ZCCHC2: variants seen among roughly 807,000 people sequenced by gnomAD.
ZCCHC2 encodes zinc finger CCHC domain-containing protein 2.
ZCCHC2 carries 39 observed loss-of-function variants against 103.6 expected under a neutral mutation model. The ratio of observed to expected loss-of-function variants is 0.38; its 90% CI spans 0.29 to 0.49. The LOEUF is 0.49. Ranked by LOEUF, ZCCHC2 falls within the 20% of genes least tolerant of loss-of-function variation. The probability of loss-of-function intolerance (pLI) is 0.96; values close to 1 mark genes in which losing one functional copy is unlikely to be tolerated. For synonymous variants in ZCCHC2, 687 were observed against 608.9 expected (o/e 1.13, Z -1.89); for missense variants, 1,483 against 1,491.0 (o/e 0.99, Z 0.09).
chr18:62,533,203 T>C (rs909442857), intron 1 of ZCCHC2, among the ~76,000 whole-genome samples: 3 of 152,188 alleles, frequency 2.0e-5, no homozygotes, highest in African/African-American at 4.8e-5. Flanking sequence ...CATAATTTCC[T>C]GTGTTTGGAC....
chr18:62,525,695 G>A (rs1914352774), intron 1 of ZCCHC2, among the ~76,000 whole-genome samples: 1 of 151,858 alleles, frequency 6.6e-6, no homozygotes, highest in Non-Finnish European at 1.5e-5. Flanking sequence ...CATGTTTTGG[G>A]ACGTATTTTA....
rs1568560313 is a variant in ZCCHC2, at chr18:62,575,524, A to C, written c.3443A>C (p.Gln1148Pro). Reference sequence around the variant, plus strand: ...GGACACTATGCACAGGACTGTAAGCAGTCGTCCATGGAGGCCAATCAACAA... The same window carrying C: ...GGACACTATGCACAGGACTGTAAGCCGTCGTCCATGGAGGCCAATCAACAA... Reference protein sequence around the residue: ...VSGHYAQDCKQSSMEANQQGT... With the variant: ...VSGHYAQDCKPSSMEANQQGT... Residue 1148 changes from glutamine to proline, a missense_variant, in exon 13 of 14, where the codon CAG (glutamine) becomes CCG (proline). Around this residue, in one of 3 missense-constraint regions of ZCCHC2, gnomAD observed 884 missense variants for 907.5 expected, o/e 0.97. Transcript: ENST00000269499. 6.2e-7 allele frequency: 1 copy of C among 1,613,868 alleles called. No homozygotes were observed.
At chr18:62,544,166 G>A (rs1486762338) in intron 3 of ZCCHC2, among the ~76,000 whole-genome samples, 1 of 152,196 alleles carries the variant, frequency 6.6e-6, no homozygotes, top group African/African-American at 2.4e-5. Context: ...TGGGTATGGG[G>A]TAGCACAAGA....
At chr18:62,543,833 C>G (rs1915303032) in intron 3 of ZCCHC2, among the ~76,000 whole-genome samples, 1 of 151,726 alleles carries the variant, frequency 6.6e-6, no homozygotes, top group South Asian at 2.1e-4. Context: ...TCAGCGGAGA[C>G]TTAACTGTCT....
chr18:62,523,753 A>G lies in ZCCHC2; in HGVS notation c.329A>G (p.Gln110Arg). Residue 110 changes from glutamine to arginine, a missense_variant, in exon 1 of 14, where the codon CAG becomes CGG. Transcript: ENST00000269499. ...EWFGLVLGSA[Q>R]RLEFMCGLLD... is the part of the protein sequence containing the mutation. Reference sequence around the variant, plus strand: ...TTCGGGCTGGTGCTGGGCTCGGCGCAGCGCCTGGAGTTCATGTGCGGGCTG... The same window carrying G: ...TTCGGGCTGGTGCTGGGCTCGGCGCGGCGCCTGGAGTTCATGTGCGGGCTG... The G allele has an allele frequency of 1.3e-6, 2 of 1,531,612 alleles. No homozygotes were observed. Among genetic ancestry groups the G allele is most frequent in the Non-Finnish European group, 1.7e-6 (2 of 1,144,972 alleles). 94.9% of individuals were successfully genotyped at this position (1,531,612 alleles called of 1,614,324 possible). A position where few individuals can be genotyped will look rare whatever the true frequency, so the allele number is the denominator to read the frequency against.
chr18:62,530,281 A>G (rs1000799164), intron 1 of ZCCHC2, among the ~76,000 whole-genome samples: 2 of 152,312 alleles, frequency 1.3e-5, no homozygotes, highest in South Asian at 4.1e-4. Context: ...CAACTCTGCC[A>G]CTAGCTGTGA....
Position 62,523,984 on chromosome 18 carries a change from C to A in ZCCHC2, c.560C>A (p.Ala187Asp). Residue 187 changes from alanine to aspartate, a missense_variant, in exon 1 of 14, where the codon GCC (alanine) becomes GAC (aspartate). Coordinates refer to ENST00000269499, the MANE Select transcript of ZCCHC2 (RefSeq NM_017742.6). ...CTGCTGGGCTCGGAGAACCGGGAGG[C>A]CGCTGGCCGTCTGCACCGCCTGCTA... ...LALLGSENRE[A>D]AGRLHRLLPQ... The A allele has an allele frequency of 6.7e-7, 1 of 1,492,514 alleles. No homozygotes were observed. 92.5% of individuals were successfully genotyped at this position (1,492,514 alleles called of 1,614,324 possible).
rs766052328 is a variant in ZCCHC2 at position 62,575,026 on chromosome 18, A to G, written c.2945A>G (p.Gln982Arg). ...CCTGCCTTGACACACAGTACCGCGC[A>G]GAGTGACAGCACCTCTTACATCAGT... Reference protein sequence around the residue: ...PSPALTHSTAQSDSTSYISAV... With the variant: ...PSPALTHSTARSDSTSYISAV... Residue 982 changes from glutamine to arginine, a missense_variant, in exon 13 of 14, where the codon CAG (glutamine) becomes CGG (arginine). Coordinates refer to ENST00000269499, the MANE Select transcript of ZCCHC2 (RefSeq NM_017742.6). 2.5e-6 allele frequency: 4 copies of G among 1,613,888 alleles called. No homozygotes were observed. Among genetic ancestry groups the G allele is most frequent in the Non-Finnish European group, 3.4e-6 (4 of 1,179,898 alleles).
chr18:62,539,926 C>T, intron 2 of ZCCHC2, 134 bp downstream of exon 2: 1 of 696,100 alleles, frequency 1.4e-6, no homozygotes, highest in Non-Finnish European at 2.4e-6. Context: ...AGGCTTCACT[C>T]AAGAGCCAGT....
chr18:62,523,528 C>A lies in ZCCHC2; in HGVS notation c.104C>A (p.Ser35Ter). 1.0e-6 allele frequency: 1 copy of A among 958,440 alleles called. No individual in the cohort carries two copies. The highest frequency in any genetic ancestry group is 1.2e-6 in the Non-Finnish European group (1 of 815,762). The allele number at this position is 958,440 out of a possible 1,614,324, so 59.4% of individuals were successfully genotyped here. A position where few individuals can be genotyped will look rare whatever the true frequency, so the allele number is the denominator to read the frequency against. Residue 35 changes from serine to a stop codon, truncating the protein, a stop_gained, in exon 1 of 14, where the codon TCG becomes TAG. Coordinates refer to ENST00000269499, the MANE Select transcript of ZCCHC2 (RefSeq NM_017742.6). LOFTEE classifies it high-confidence loss of function. ...GCGCGGCCGGGCGCGAAGGCGCCTT[C>A]GCGCCGCCGCCGCGACTGCCGCCCC... is the stretch of plus-strand genomic sequence containing the variant. ...ADARPGAKAP[S>*]RRRRDCRPPP...
rs1368588301 is a variant in ZCCHC2, at chr18:62,539,856, C to T, written c.1051+64C>T. On this transcript the variant is annotated intron_variant, in intron 2 of 13. Transcript: ENST00000269499. The stretch of plus-strand genomic sequence containing the variant: ...TCAAAAGATTACAGGGTGCTCTTTA[C>T]GCTGATTAACTCTAAACTTTTTACT... 35 of 1,285,044 alleles carry T rather than the reference C, an allele frequency of 2.7e-5. No homozygotes were observed. In the South Asian group the frequency reaches 4.0e-4, roughly 15 times the overall value. The allele number at this position is 1,285,044 out of a possible 1,614,324, so 79.6% of individuals were successfully genotyped here. A position where few individuals can be genotyped will look rare whatever the true frequency, so the allele number is the denominator to read the frequency against.
In ZCCHC2 at chr18:62,556,075, T is replaced by C. The variant is rs1915872842; in HGVS notation, c.1314-128T>C. On this transcript the variant is annotated intron_variant, in intron 5 of 13. Transcript: ENST00000269499. ...AATACATTAGAAAATAATATTCTTT[T>C]CTATAGGAAAAATATTTTTCCATAC... 7.4e-6 allele frequency: 5 copies of C among 675,240 alleles called. No homozygotes were observed. The Admixed American group carries it at 8.9e-5, about 12-fold the overall frequency. 41.8% of individuals were successfully genotyped at this position (675,240 alleles called of 1,614,324 possible).
At chr18:62,543,800 C>G (rs1169081694) in intron 3 of ZCCHC2, among the ~76,000 whole-genome samples, 2 of 152,226 alleles carry the variant, frequency 1.3e-5, no homozygotes, top group Non-Finnish European at 2.9e-5. Flanking sequence ...TGATCTATCT[C>G]CTGCACTAGC....
At chr18:62,559,142 G>A (rs1235660970) in intron 7 of ZCCHC2, among the ~76,000 whole-genome samples, 1 of 152,202 alleles carries the variant, frequency 6.6e-6, no homozygotes, top group African/African-American at 2.4e-5. Context: ...AGCCTTTCTT[G>A]AATAAAGTAG....
chr18:62,534,502 T>A (rs910250506), intron 1 of ZCCHC2, among the ~76,000 whole-genome samples: 1 of 152,204 alleles, frequency 6.6e-6, no homozygotes, highest in Non-Finnish European at 1.5e-5. Context: ...CAGTTTATGA[T>A]CTACTTGAGG....
Position 62,523,492 on chromosome 18 carries a change from C to A in ZCCHC2, c.68C>A (p.Pro23His). Residue 23 changes from proline to histidine, a missense_variant, in exon 1 of 14, where the codon CCC (proline) becomes CAC (histidine). Pro to His is a moderately conservative substitution (Grantham distance 77). This residue lies in a region of ZCCHC2 where 568 missense variants were observed against 525.1 expected (regional missense o/e 1.08). Transcript: ENST00000269499. ...GAGCCGCCGCCCGAGGCGGAGGAGC[C>A]CGAGGCGGACGCGCGGCCGGGCGCG... ...PAEPPPEAEE[P>H]EADARPGAKA... The A allele has an allele frequency of 9.9e-7, 1 of 1,009,714 alleles. No homozygotes were observed. Among genetic ancestry groups the A allele is most frequent in the South Asian group, 3.4e-5 (1 of 29,294 alleles). The allele number at this position is 1,009,714 out of a possible 1,614,324, so 62.5% of individuals were successfully genotyped here. A position where few individuals can be genotyped will look rare whatever the true frequency, so the allele number is the denominator to read the frequency against.
chr18:62,559,656 A>G (rs1342378953), intron 7 of ZCCHC2, among the ~76,000 whole-genome samples: 1 of 152,246 alleles, frequency 6.6e-6, no homozygotes, highest in Non-Finnish European at 1.5e-5. Flanking sequence ...AAAAGGGGAC[A>G]TGGGCCCGGG....
At chr18:62,526,076 T>A (rs1230365357) in intron 1 of ZCCHC2, 1 of 152,226 alleles carries the variant, frequency 6.6e-6, no homozygotes, top group African/African-American at 2.4e-5. Context: ...AAAGTCTTTT[T>A]TTCTTTCCCT....
intron 12 of ZCCHC2, among the ~76,000 whole-genome samples, chr18:62,571,441 GT>G (rs1290699604): frequency 6.6e-6 from 1 of 152,210 alleles, no homozygotes; most frequent in Non-Finnish European, 1.5e-5. Flanking sequence ...AGATCGAGCT[GT>G]TTTTCTTGAA....
Sources: allele counts gnomAD v4.1 joint callset (sites outside exome capture counted in the v4.1 genomes callset), GRCh38; gene constraint gnomAD v4.1.1; regional missense constraint gnomAD v4.1.1; transcripts MANE v1.5; gene names NCBI Gene and HGNC (gene_info 2026-07-23, HGNC 2026-07-21).